LRRFIP1: variants seen among roughly 807,000 people sequenced by gnomAD.
The protein encoded by LRRFIP1 is leucine-rich repeat flightless-interacting protein 1.
Under a neutral mutation model 104.4 loss-of-function variants are expected in LRRFIP1, and 62 were observed. The observed-to-expected ratio is 0.59, with a 90% CI of 0.48 to 0.73. The LOEUF (loss-of-function observed/expected upper bound fraction) is 0.73. Among genes scored for constraint, LRRFIP1 ranks in the 30% least tolerant of loss-of-function variants. The pLI, the probability that LRRFIP1 is intolerant of heterozygous loss-of-function variation, is 0.00. For missense variants in LRRFIP1, 796 were observed against 824.5 expected (o/e 0.97, Z 0.42); for synonymous variants, 300 against 299.0 (o/e 1.00, Z -0.03).
chr2:237,723,294 A>G (rs1337873551), intron 6 of LRRFIP1, among the ~76,000 whole-genome samples: 1 of 152,258 alleles, frequency 6.6e-6, no homozygotes, highest in Non-Finnish European at 1.5e-5. Context: ...AGATTTATCA[A>G]ACTGTTTCAG....
intron 1 of LRRFIP1, among the ~76,000 whole-genome samples, chr2:237,675,483 A>G (rs1038966694): frequency 1.3e-5 from 2 of 152,164 alleles, no homozygotes; most frequent in African/African-American, 2.4e-5. Flanking sequence ...CCAGCCTGCC[A>G]GGGGGATCCA....
rs1480457196 is a variant in LRRFIP1, at chr2:237,749,214, C to T, written c.685C>T (p.Pro229Ser). The T allele has an allele frequency of 1.1e-5, 17 of 1,613,452 alleles. No homozygotes were observed. The highest frequency in any genetic ancestry group is 1.1e-5 in the Non-Finnish European group (13 of 1,179,958). The change falls in exon 13 of 24, where the codon CCG becomes TCG. Residue 229 changes from proline to serine, a missense_variant. Transcript: ENST00000308482. ...DFTEKGSRNM[P>S]GLSAATLASL... is the part of the protein sequence containing the mutation. ...AACGTTCCAGGGGTCTCGTAACATG[C>T]CGGGCCTGTCTGCAGCCACGCTGGC...
intron 11 of LRRFIP1, among the ~76,000 whole-genome samples, chr2:237,742,244 C>T (rs1481593983): frequency 6.6e-6 from 1 of 152,164 alleles, no homozygotes; most frequent in Non-Finnish European, 1.5e-5. Context: ...TGGGTGATCT[C>T]CTTGTATCTG....
At position 237,717,057 on chromosome 2, in the gene LRRFIP1, T is replaced by C. The variant is rs995713204; in HGVS notation, c.202-705T>C. On this transcript the variant is annotated intron_variant, in intron 3 of 23. Coordinates refer to ENST00000308482, the MANE Select transcript of LRRFIP1 (RefSeq NM_001137550.2). This position sits in a 1 kb window ranked among gnomAD's most constrained non-coding sequence, Gnocchi z 4.2. ...AGCTTATCAGCTATCGTTAGTGTAG[T>C]TTATGTGTGGCCCAAGACACTTCTT... Among the ~76,000 whole-genome samples, 9 of 152,190 alleles carry C rather than the reference T, an allele frequency of 5.9e-5. No homozygotes were observed. The highest frequency in any genetic ancestry group is 2.2e-4 in the African/African-American group (9 of 41,504).
intron 22 of LRRFIP1, 39 bp downstream of exon 22, chr2:237,772,984 T>C (rs763856126): frequency 6.5e-7 from 1 of 1,526,880 alleles, no homozygotes; most frequent in East Asian, 2.2e-5. Context: ...GATGATTGAC[T>C]GGAGTTTTAC....
intron 1 of LRRFIP1, among the ~76,000 whole-genome samples, chr2:237,636,352 C>CTTTTTTTTTTTTTTTT (rs59582281): frequency 2.4e-5 from 3 of 124,450 alleles, no homozygotes; most frequent in Non-Finnish European, 3.5e-5. Flanking sequence ...CCTTTCTTTT[C>CTTTTTTTTTTTTTTTT]TTTTTTTTTT....
intron 1 of LRRFIP1, among the ~76,000 whole-genome samples, chr2:237,663,926 T>G (rs2088623440): frequency 6.6e-6 from 1 of 152,038 alleles, no homozygotes; most frequent in Non-Finnish European, 1.5e-5. Context: ...TGAGGTCTCC[T>G]AAGTAGGTCA....
At chr2:237,742,304 C>T (rs992795849) in intron 11 of LRRFIP1, among the ~76,000 whole-genome samples, 2 of 152,104 alleles carry the variant, frequency 1.3e-5, no homozygotes, top group African/African-American at 2.4e-5. Context: ...CAGTTGATTG[C>T]GGGCTGGTTG....
chr2:237,713,622 T>C (rs1485939830), intron 2 of LRRFIP1, among the ~76,000 whole-genome samples: 1 of 152,020 alleles, frequency 6.6e-6, no homozygotes, highest in African/African-American at 2.4e-5. Context: ...ATGACAAATG[T>C]CTTAATGAAT....
At chr2:237,724,464 G>A (rs2094661944) in intron 7 of LRRFIP1, among the ~76,000 whole-genome samples, 3 of 152,160 alleles carry the variant, frequency 2.0e-5, no homozygotes, top group Admixed American at 1.3e-4. Context: ...CCTGTGGGAC[G>A]GCTGTTCTGC....
intron 1 of LRRFIP1, among the ~76,000 whole-genome samples, chr2:237,633,531 T>TGAGAGGTGGTGTGGATGAGGGAAATCCAG (rs530913139): frequency 1.3e-5 from 2 of 152,116 alleles, no homozygotes; most frequent in African/African-American, 4.8e-5. Context: ...GTGGAGAACA[T>TGAGAGGTGGTGTGGATGAGGGAAATCCAG]GACCTGGCTT....
intron 4 of LRRFIP1, 93 bp from the exon 5 acceptor site, chr2:237,719,430 A>G (rs2094459324): frequency 2.5e-6 from 2 of 790,230 alleles, no homozygotes; most frequent in Non-Finnish European, 4.5e-6. Context: ...GAACTGCTGT[A>G]TTATGGTGCA....
chr2:237,734,174 A>G (rs976564334), intron 9 of LRRFIP1, among the ~76,000 whole-genome samples: 10 of 151,722 alleles, frequency 6.6e-5, no homozygotes, highest in African/African-American at 1.5e-4. Context: ...CCATGTTACT[A>G]TATTACTTTG....
At chr2:237,761,019 C>T (rs2059801435) in intron 19 of LRRFIP1, among the ~76,000 whole-genome samples, 2 of 152,226 alleles carry the variant, frequency 1.3e-5, no homozygotes, top group African/African-American at 4.8e-5. Flanking sequence ...TGTCACTGGT[C>T]ACCCTCTGCG....
chr2:237,715,042 T>G (rs192642315), intron 3 of LRRFIP1, among the ~76,000 whole-genome samples: 1 of 152,354 alleles, frequency 6.6e-6, no homozygotes, highest in East Asian at 1.9e-4. Flanking sequence ...TATTTTTCTC[T>G]TAGAGCAGAT....
Position 237,708,650 on chromosome 2 carries a change from G to C in LRRFIP1, c.183+20G>C. 6.3e-7 allele frequency: 1 copy of C among 1,584,504 alleles called. No individual in the cohort carries two copies. Among genetic ancestry groups the C allele is most frequent in the African/African-American group, 1.3e-5 (1 of 74,728 alleles). ...AAGGAGGTAACGCTTGGGGCTCCTT[G>C]TTGGGTCTTTTCACAGTGATTTGCG... On this transcript the variant is annotated intron_variant, in intron 2 of 23. Transcript: ENST00000308482.
intron 2 of LRRFIP1, 76 bp from the exon 3 acceptor site, chr2:237,714,183 C>A: frequency 1.9e-6 from 2 of 1,033,412 alleles, no homozygotes; most frequent in South Asian, 1.5e-5. Context: ...TAGTTACTTA[C>A]AGAACCTTTC....
chr2:237,723,578 T>C lies in LRRFIP1; in HGVS notation c.376T>C (p.Tyr126His). The C allele has an allele frequency of 6.2e-7, 1 of 1,614,058 alleles. No individual in the cohort carries two copies. The highest frequency in any genetic ancestry group is 8.5e-7 in the Non-Finnish European group (1 of 1,179,892). Residue 126 changes from tyrosine (Y) to histidine (H), a missense_variant, in exon 7 of 24, where the codon TAC becomes CAC. Tyr to His is a moderately conservative substitution (Grantham distance 83). Coordinates refer to ENST00000308482, the MANE Select transcript of LRRFIP1 (RefSeq NM_001137550.2). ...GCCTGACTTGGAGTATGGGGGTCCT[T>C]ACGCCTGGGTGAGATGGTCGGATAT... ...SQPDLEYGGP[Y>H]AWTNGYDGEL...
chr2:237,642,688 G>T (rs1360857674), intron 1 of LRRFIP1, among the ~76,000 whole-genome samples: 1 of 151,750 alleles, frequency 6.6e-6, no homozygotes, highest in Non-Finnish European at 1.5e-5. Flanking sequence ...TAAGGGTTTT[G>T]GTTCCAGGTT....
Sources: allele counts gnomAD v4.1 joint callset (sites outside exome capture counted in the v4.1 genomes callset), GRCh38; gene constraint gnomAD v4.1.1; non-coding constraint Gnocchi (gnomAD v3.1); transcripts MANE v1.5; gene names NCBI Gene and HGNC (gene_info 2026-07-23, HGNC 2026-07-21).